The following VPS41 variants were observed in gnomAD, a reference collection of about 807,000 sequenced individuals.
VPS41 encodes vacuolar protein sorting-associated protein 41 homolog.
VPS41 carries 85 observed loss-of-function variants against 130.9 expected under a neutral mutation model. The observed-to-expected ratio is 0.65, with a 90% CI of 0.55 to 0.78. The LOEUF (loss-of-function observed/expected upper bound fraction) is 0.78. VPS41 is among the 30% of genes least tolerant of loss of function. VPS41 has a pLI of 0.00. For missense variants in VPS41, 874 were observed against 1,018.7 expected (o/e 0.86, Z 1.93); for synonymous variants, 335 against 332.9 (o/e 1.01, Z -0.07).
intron 7 of VPS41, among the ~76,000 whole-genome samples, chr7:38,804,241 G>C (rs556449200): frequency 6.6e-6 from 1 of 151,782 alleles, no homozygotes. Context: ...AGGTAAACTC[G>C]TGCCACAGGG....
intron 5 of VPS41, among the ~76,000 whole-genome samples, chr7:38,821,814 T>C (rs1222133750): frequency 6.6e-6 from 1 of 151,866 alleles, no homozygotes; most frequent in East Asian, 1.9e-4. Flanking sequence ...ATGGATAGAG[T>C]TCCCTTCAAT....
At chr7:38,869,086 C>A in intron 3 of VPS41, 60 bp downstream of exon 3, 1 of 1,357,602 alleles carries the variant, frequency 7.4e-7, no homozygotes. Flanking sequence ...GACTCCAAAG[C>A]ACAAGCAAAT....
intron 6 of VPS41, among the ~76,000 whole-genome samples, chr7:38,819,823 T>A (rs901692796): frequency 4.7e-5 from 7 of 149,986 alleles, no homozygotes; most frequent in African/African-American, 1.8e-4. Flanking sequence ...ACCATCAGTC[T>A]TCTCTTCTCA....
chr7:38,745,630 GT>G lies in VPS41; in HGVS notation c.1927-18del. ...CTCAAGAGCCTTCAATTAAAGCAGG[GT>G]AAAAATGTTACTATAGGCGACCAAA... On this transcript the variant is annotated intron_variant, in intron 22 of 28. Transcript: ENST00000310301. 1 of 1,592,692 alleles carries G rather than the reference GT, an allele frequency of 6.3e-7. No individual in the cohort carries two copies. The highest frequency in any genetic ancestry group is 1.8e-5 in the Admixed American group (1 of 55,156).
intron 2 of VPS41, among the ~76,000 whole-genome samples, chr7:38,869,780 G>A (rs2116340054): frequency 6.6e-6 from 1 of 152,238 alleles, no homozygotes; most frequent in East Asian, 1.9e-4. Context: ...ACATTAGCTA[G>A]AGGGTGAAGA....
chr7:38,754,568 T>C, intron 21 of VPS41, 134 bp downstream of exon 21: 1 of 688,104 alleles, frequency 1.5e-6, no homozygotes, highest in South Asian at 2.0e-5. Context: ...AGAACATTGT[T>C]TGTGGTGAAA....
intron 5 of VPS41, among the ~76,000 whole-genome samples, chr7:38,826,768 C>T (rs548547973): frequency 2.6e-5 from 4 of 152,246 alleles, no homozygotes; most frequent in Admixed American, 6.5e-5. Flanking sequence ...ACCCATCTGA[C>T]ACTCTATGGC....
chr7:38,893,735 T>C (rs1202041174), intron 2 of VPS41, among the ~76,000 whole-genome samples: 1 of 152,252 alleles, frequency 6.6e-6, no homozygotes, highest in Non-Finnish European at 1.5e-5. Context: ...GGTTGTAACA[T>C]GATTTTGCAT....
chr7:38,795,257 A>T (rs1784597309), intron 9 of VPS41, among the ~76,000 whole-genome samples: 1 of 152,232 alleles, frequency 6.6e-6, no homozygotes, highest in Admixed American at 6.5e-5. Context: ...AAAAGTTCAC[A>T]AATAGTTTTA....
intron 4 of VPS41, among the ~76,000 whole-genome samples, chr7:38,842,203 C>G (rs1785622306): frequency 6.6e-6 from 1 of 152,016 alleles, no homozygotes; most frequent in Non-Finnish European, 1.5e-5. Context: ...TCACTAAGTC[C>G]TATCCTTCTA....
chr7:38,874,360 A>G (rs930065386), intron 2 of VPS41, among the ~76,000 whole-genome samples: 5 of 152,178 alleles, frequency 3.3e-5, no homozygotes, highest in African/African-American at 1.2e-4. Flanking sequence ...ACAAAATAAA[A>G]TGATACTCAA....
At chr7:38,853,722 A>T (rs3801127) in intron 4 of VPS41, among the ~76,000 whole-genome samples, 3 of 152,046 alleles carry the variant, frequency 2.0e-5, no homozygotes, top group African/African-American at 7.2e-5. Flanking sequence ...TACCCAATTC[A>T]GAGTCATGTT....
chr7:38,871,984 AC>A (rs1249522565), intron 2 of VPS41, among the ~76,000 whole-genome samples: 1 of 152,224 alleles, frequency 6.6e-6, no homozygotes, highest in Non-Finnish European at 1.5e-5. Context: ...ATTTAAAACA[AC>A]AATAAATATG....
chr7:38,789,446 T>C (rs547866287), intron 10 of VPS41, among the ~76,000 whole-genome samples: 1 of 152,034 alleles, frequency 6.6e-6, no homozygotes, highest in African/African-American at 2.4e-5. Flanking sequence ...AAGAGAGGCA[T>C]GGACAGGTAA....
intron 25 of VPS41, among the ~76,000 whole-genome samples, chr7:38,734,770 C>T (rs1795731338): frequency 6.6e-6 from 1 of 152,212 alleles, no homozygotes; most frequent in Non-Finnish European, 1.5e-5. Context: ...ATTTTGCTGA[C>T]ATTGCCTTGT....
intron 4 of VPS41, among the ~76,000 whole-genome samples, chr7:38,855,952 T>A (rs11974239): frequency 0.013 from 1,991 of 152,248 alleles, 53 homozygotes; most frequent in African/African-American, 0.045. Flanking sequence ...TTCTCCTAGT[T>A]TTGGAGACTG....
Position 38,776,727 on chromosome 7 carries a change from A to G in VPS41, c.834T>C (p.Cys278=), listed in dbSNP as rs771399511. The G allele has an allele frequency of 6.2e-7, 1 of 1,612,666 alleles. No individual in the cohort carries two copies. Among genetic ancestry groups the G allele is most frequent in the South Asian group, 1.1e-5 (1 of 91,010 alleles). ...CATACGAAAGTACAACAAGCTGATC[A>G]CAGAGAGGTGCAAGTCCACTGATGT... The part of the protein sequence containing the change: ...EFYISGLAPL[C]DQLVVLSYVK... Residue 278 remains cysteine, a synonymous_variant, in exon 11 of 29, where the codon TGT becomes TGC. Transcript: ENST00000310301.
At chr7:38,825,913 G>A (rs561253248) in intron 5 of VPS41, among the ~76,000 whole-genome samples, 23 of 152,322 alleles carry the variant, frequency 1.5e-4, no homozygotes, top group Non-Finnish European at 2.6e-4. Flanking sequence ...AAATGAGGAC[G>A]GAGGTGGCCA....
At chr7:38,760,146 G>A (rs1010859606) in intron 17 of VPS41, among the ~76,000 whole-genome samples, 7 of 152,070 alleles carry the variant, frequency 4.6e-5, no homozygotes, top group Non-Finnish European at 1.0e-4. Context: ...CCTGATTCCC[G>A]ACTTTAGACT....
Sources: gnomAD v4.1 joint callset for allele counts (sites outside exome capture counted in the v4.1 genomes callset) on GRCh38, gnomAD v4.1.1 for gene constraint, MANE v1.5 for transcripts, NCBI Gene and HGNC (gene_info 2026-07-23, HGNC 2026-07-21) for gene names.